TFPI: variants seen among roughly 807,000 people sequenced by gnomAD.
TFPI encodes anti-convertin.
Under a neutral mutation model 34.6 loss-of-function variants are expected in TFPI, and 15 were observed. That is an observed-to-expected ratio of 0.43 (90% confidence interval 0.29 to 0.67). The LOEUF is 0.67. TFPI is among the 30% of genes least tolerant of loss of function. TFPI has a pLI of 0.15. For missense variants in TFPI, 301 were observed against 364.0 expected (o/e 0.83, Z 1.41); for synonymous variants, 105 against 120.1 (o/e 0.87, Z 0.82).
At chr2:187,519,822 CT>C (rs1234172959) in intron 1 of TFPI, 3 of 152,202 alleles carry the variant, frequency 2.0e-5, no homozygotes, top group African/African-American at 2.4e-5. Context: ...GGGCTGCTGC[CT>C]TTTTTTCCAG....
At chr2:187,528,874 A>AT (rs35146730) in intron 1 of TFPI, among the ~76,000 whole-genome samples, 2 of 150,890 alleles carry the variant, frequency 1.3e-5, no homozygotes, top group African/African-American at 4.9e-5. Context: ...AAAAAAAAAA[A>AT]TTAGTAAAAA....
chr2:187,481,881 CT>C (rs1692893992), intron 6 of TFPI, among the ~76,000 whole-genome samples: 1 of 151,836 alleles, frequency 6.6e-6, no homozygotes. Context: ...ATATTGTTTT[CT>C]TTTAAATTCA....
chr2:187,477,857 G>A (rs1444958269), intron 6 of TFPI, among the ~76,000 whole-genome samples: 1 of 152,126 alleles, frequency 6.6e-6, no homozygotes, highest in South Asian at 2.1e-4. Flanking sequence ...ATACATTCAG[G>A]AGAGGGATAG....
intron 3 of TFPI, 82 bp downstream of exon 3, chr2:187,496,798 CT>C: frequency 4.8e-6 from 6 of 1,251,862 alleles, no homozygotes; most frequent in Non-Finnish European, 5.6e-6. Context: ...CATGAAATTA[CT>C]TTTCTCCCTA....
chr2:187,541,210 G>A (rs1448352904), intron 1 of TFPI, among the ~76,000 whole-genome samples: 1 of 152,146 alleles, frequency 6.6e-6, no homozygotes, highest in Non-Finnish European at 1.5e-5. Context: ...ATATCAGAAA[G>A]CCAGAAGTTT....
rs35837997 is a variant in TFPI at position 187,479,546 on chromosome 2, CATATATATATATATATATATAT to C, written c.628+4556_628+4577del. ...GCTTATTTTGGGGGGATATCACGTT[CATATATATATATATATATATAT>C]ATATATATATATATATATATATGAT... On this transcript the variant is annotated intron_variant, in intron 6 of 7. Transcript: ENST00000233156. 1.3e-3 allele frequency among the ~76,000 whole-genome samples: 81 copies of C among 63,312 alleles called. 2 individuals are homozygous for C. The highest frequency in any genetic ancestry group is 6.4e-3 in the South Asian group (8 of 1,256). The allele number at this position is 63,312 out of a possible 152,430, so 41.5% of individuals were successfully genotyped here. A position where few individuals can be genotyped will look rare whatever the true frequency, so the allele number is the denominator to read the frequency against.
In TFPI at chr2:187,509,252, A is replaced by G. The variant is rs375496759; in HGVS notation, c.-2-5482T>C. On this transcript the variant is annotated intron_variant, in intron 1 of 7. Coordinates refer to ENST00000233156, the MANE Select transcript of TFPI (RefSeq NM_006287.6). ...TGTTCATCAGGGATATTGGCCTGAAATGTTCTTTTTTGTTGTTGTGTGTCT... is the reference window on the plus strand; with the variant it reads ...TGTTCATCAGGGATATTGGCCTGAAGTGTTCTTTTTTGTTGTTGTGTGTCT... Among the ~76,000 whole-genome samples, 266 of 152,178 alleles carry G rather than the reference A, an allele frequency of 1.7e-3. 3 individuals are homozygous for G. Among genetic ancestry groups the G allele is most frequent in the African/African-American group, 6.1e-3 (255 of 41,546 alleles).
At chr2:187,485,643 G>A (rs1049762543) in intron 4 of TFPI, among the ~76,000 whole-genome samples, 3 of 151,662 alleles carry the variant, frequency 2.0e-5, no homozygotes, top group African/African-American at 7.2e-5. Context: ...GGATTGGAGA[G>A]GCTTTTGCAA....
chr2:187,473,949 T>TAA (rs1466167291), intron 6 of TFPI, among the ~76,000 whole-genome samples: 3 of 151,852 alleles, frequency 2.0e-5, no homozygotes, highest in Non-Finnish European at 4.4e-5. Flanking sequence ...CTCCACATAT[T>TAA]AAGAGGGAAG....
At chr2:187,516,497 A>G (rs1427556764) in intron 1 of TFPI, 1 of 152,170 alleles carries the variant, frequency 6.6e-6, no homozygotes, top group Non-Finnish European at 1.5e-5. Context: ...GTTCACCAAA[A>G]TGCTTCAGCA....
chr2:187,494,928 G>A (rs1361818768), intron 3 of TFPI, among the ~76,000 whole-genome samples: 1 of 151,892 alleles, frequency 6.6e-6, no homozygotes, highest in Non-Finnish European at 1.5e-5. Flanking sequence ...TCACCATATT[G>A]GTGAGGCTGG....
chr2:187,533,009 C>A (rs2106264075), intron 1 of TFPI, among the ~76,000 whole-genome samples: 1 of 152,280 alleles, frequency 6.6e-6, no homozygotes, highest in African/African-American at 2.4e-5. Flanking sequence ...CAGACTGCCT[C>A]TCTAGATTCT....
chr2:187,552,463 A>C (rs1689130661), intron 1 of TFPI, among the ~76,000 whole-genome samples: 1 of 152,106 alleles, frequency 6.6e-6, no homozygotes, highest in African/African-American at 2.4e-5. Flanking sequence ...TTATCATTTT[A>C]TGTATTATTA....
At chr2:187,474,773 A>C (rs1692266227) in intron 6 of TFPI, among the ~76,000 whole-genome samples, 1 of 152,168 alleles carries the variant, frequency 6.6e-6, no homozygotes, top group Admixed American at 6.5e-5. Flanking sequence ...TTATAGAATA[A>C]ATTCTACTTA....
intron 1 of TFPI, among the ~76,000 whole-genome samples, chr2:187,542,866 C>CAA (rs11393601): frequency 0.022 from 2,711 of 121,462 alleles, 51 homozygotes; most frequent in African/African-American, 0.036. Flanking sequence ...GACTTAGTCT[C>CAA]AAAAAAAAAA....
Position 187,538,049 on chromosome 2 carries a change from C to T in TFPI, c.-3+16151G>A, listed in dbSNP as rs190309707. On this transcript the variant is annotated intron_variant, in intron 1 of 7. Transcript: ENST00000233156. ...TCCACAGTGAGATACCATCTCACAC[C>T]CATTAGAATAGCAATCATTAAAAAG... 1.9e-3 allele frequency among the ~76,000 whole-genome samples: 291 copies of T among 152,214 alleles called. 1 individual carries two copies. The highest frequency in any genetic ancestry group is 6.2e-3 in the Admixed American group (95 of 15,278).
chr2:187,550,404 G>T (rs1362753171), intron 1 of TFPI, among the ~76,000 whole-genome samples: 2 of 152,042 alleles, frequency 1.3e-5, no homozygotes, highest in African/African-American at 2.4e-5. Context: ...ACAATTCTCT[G>T]GTCTTGCCTA....
At position 187,466,814 on chromosome 2, in the gene TFPI, T is replaced by C; in HGVS notation, c.*122A>G. ...ACAAACGTGTTGATAACAAGTACAA[T>C]AAGCATAGAAAATTTAATGAACATA... On this transcript the variant is annotated 3_prime_UTR_variant, in exon 8 of 8. Coordinates refer to ENST00000233156, the MANE Select transcript of TFPI (RefSeq NM_006287.6). 1.8e-6 allele frequency: 1 copy of C among 544,270 alleles called. No individual in the cohort carries two copies. The highest frequency in any genetic ancestry group is 2.5e-5 in the South Asian group (1 of 40,698). The allele number at this position is 544,270 out of a possible 1,614,324, so 33.7% of individuals were successfully genotyped here.
chr2:187,470,839 T>C (rs183787213), intron 6 of TFPI, among the ~76,000 whole-genome samples: 2 of 152,338 alleles, frequency 1.3e-5, no homozygotes, highest in East Asian at 3.9e-4. Context: ...GGCATGCTGC[T>C]TCTGACAGCC....
Sources: allele counts gnomAD v4.1 joint callset (sites outside exome capture counted in the v4.1 genomes callset), GRCh38; gene constraint gnomAD v4.1.1; transcripts MANE v1.5; gene names NCBI Gene and HGNC (gene_info 2026-07-23, HGNC 2026-07-21).